The following PLCL1 variants were observed in gnomAD, a reference collection of about 807,000 sequenced individuals.
PLCL1 encodes inactive phospholipase C-like protein 1.
A neutral mutation model predicts 84.4 loss-of-function variants in PLCL1; 41 were observed. The ratio of observed to expected loss-of-function variants is 0.49; its 90% CI spans 0.38 to 0.63. The LOEUF (loss-of-function observed/expected upper bound fraction) is 0.63, where lower values mean the gene tolerates loss of function less well. PLCL1 is among the 30% of genes least tolerant of loss of function. PLCL1 has a pLI of 0.00. For synonymous variants in PLCL1, 490 were observed against 488.3 expected, an observed-to-expected ratio of 1.00 and a Z score of -0.05; for missense variants, 1,206 against 1,367.8, an observed-to-expected ratio of 0.88 and a Z score of 1.87.
At chr2:197,839,589 G>T (rs1686947798) in intron 1 of PLCL1, among the ~76,000 whole-genome samples, 1 of 152,158 alleles carries the variant, frequency 6.6e-6, no homozygotes, top group African/African-American at 2.4e-5. Flanking sequence ...TTTCTGATGG[G>T]CCACAGACTG....
chr2:197,947,237 A>AATATATATATATATATATATATATAT (rs55700681), intron 1 of PLCL1, among the ~76,000 whole-genome samples: 35 of 142,722 alleles, frequency 2.5e-4, no homozygotes, highest in African/African-American at 8.8e-4. Flanking sequence ...TGCTTAGATA[A>AATATATATATATATATATATATATAT]ATATATATAT....
intron 1 of PLCL1, among the ~76,000 whole-genome samples, chr2:197,945,145 A>G (rs1021582401): frequency 3.3e-5 from 5 of 152,336 alleles, no homozygotes; most frequent in East Asian, 1.9e-4. Context: ...TGACCTTGCT[A>G]TATAGACCAA....
rs139144539 is a variant in PLCL1 at position 197,825,124 on chromosome 2, G to A, written c.240+19785G>A. 4.6e-4 allele frequency among the ~76,000 whole-genome samples: 70 copies of A among 152,156 alleles called. 2 individuals are homozygous for A. The South Asian group carries it at 0.01, about 22-fold the overall frequency. Reference sequence around the variant, plus strand: ...GTAAGACACAAGTCAGTGGGTGGAGGAGGATATAATGAATATAACATTTTT... The same window carrying A: ...GTAAGACACAAGTCAGTGGGTGGAGAAGGATATAATGAATATAACATTTTT... On this transcript the variant is annotated intron_variant, in intron 1 of 5. Coordinates refer to ENST00000428675, the MANE Select transcript of PLCL1 (RefSeq NM_006226.4).
At chr2:197,996,792 A>C (rs1269021564) in intron 1 of PLCL1, among the ~76,000 whole-genome samples, 1 of 152,192 alleles carries the variant, frequency 6.6e-6, no homozygotes, top group Non-Finnish European at 1.5e-5. Flanking sequence ...TGCAGGCTGT[A>C]GTACATCCTG....
intron 1 of PLCL1, among the ~76,000 whole-genome samples, chr2:198,019,044 C>A (rs1405749115): frequency 6.6e-6 from 1 of 152,208 alleles, no homozygotes; most frequent in Non-Finnish European, 1.5e-5. Flanking sequence ...GAATACACAG[C>A]AATCTTTGCT....
At chr2:198,081,632 G>A (rs1692716642) in intron 1 of PLCL1, among the ~76,000 whole-genome samples, 1 of 152,138 alleles carries the variant, frequency 6.6e-6, no homozygotes, top group Non-Finnish European at 1.5e-5. Flanking sequence ...GCACCAACAG[G>A]CAATATTCTG....
At chr2:197,950,891 T>C (rs905330581) in intron 1 of PLCL1, among the ~76,000 whole-genome samples, 1 of 152,088 alleles carries the variant, frequency 6.6e-6, no homozygotes, top group Admixed American at 6.6e-5. Context: ...ACTGCTTAGG[T>C]TATCTGAGGC....
chr2:198,087,704 A>G (rs758381021), intron 2 of PLCL1, among the ~76,000 whole-genome samples: 2 of 152,186 alleles, frequency 1.3e-5, no homozygotes, highest in African/African-American at 2.4e-5. Flanking sequence ...TTGCAACTCA[A>G]TGGATAAATG....
intron 5 of PLCL1, among the ~76,000 whole-genome samples, chr2:198,112,695 A>T (rs1030617880): frequency 6.6e-6 from 1 of 151,878 alleles, no homozygotes; most frequent in Non-Finnish European, 1.5e-5. Flanking sequence ...TAAACGTTTA[A>T]AAATAATGTT....
chr2:197,840,398 GA>G (rs1686972170), intron 1 of PLCL1, among the ~76,000 whole-genome samples: 1 of 151,948 alleles, frequency 6.6e-6, no homozygotes, highest in South Asian at 2.1e-4. Flanking sequence ...GTCAGTTTTA[GA>G]AATCTGCCTA....
chr2:197,920,041 G>T (rs1315212736), intron 1 of PLCL1, among the ~76,000 whole-genome samples: 1 of 152,090 alleles, frequency 6.6e-6, no homozygotes, highest in Non-Finnish European at 1.5e-5. Context: ...TCATGAAAAT[G>T]AAATAAGATC....
chr2:197,962,800 T>C (rs1171951604), intron 1 of PLCL1, among the ~76,000 whole-genome samples: 1 of 152,024 alleles, frequency 6.6e-6, no homozygotes, highest in Non-Finnish European at 1.5e-5. Flanking sequence ...TTTGTTTTTA[T>C]TTTTAGCTTC....
chr2:198,122,737 A>G (rs1693896987), intron 5 of PLCL1, among the ~76,000 whole-genome samples: 1 of 152,136 alleles, frequency 6.6e-6, no homozygotes, highest in African/African-American at 2.4e-5. Flanking sequence ...ATTGGAACTG[A>G]ATTTGTTCCA....
chr2:197,931,759 T>C (rs113282470), intron 1 of PLCL1, among the ~76,000 whole-genome samples: 1,523 of 138,552 alleles, frequency 0.011, 29 homozygotes, highest in African/African-American at 0.036. Context: ...CAGAGGCCTT[T>C]ATTCCCAGTT....
intron 1 of PLCL1, among the ~76,000 whole-genome samples, chr2:197,842,473 C>T (rs1357593631): frequency 4.6e-5 from 7 of 152,054 alleles, no homozygotes; most frequent in Non-Finnish European, 8.8e-5. Context: ...ATTGCCATCC[C>T]CCATCAGCAC....
At chr2:197,843,661 C>T (rs1368977719) in intron 1 of PLCL1, among the ~76,000 whole-genome samples, 2 of 152,110 alleles carry the variant, frequency 1.3e-5, no homozygotes, top group African/African-American at 4.8e-5. Context: ...GAGGAAGTAT[C>T]CATCCCAGGC....
At chr2:198,139,898 G>A (rs531044492) in intron 5 of PLCL1, among the ~76,000 whole-genome samples, 2 of 151,964 alleles carry the variant, frequency 1.3e-5, no homozygotes, top group African/African-American at 4.8e-5. Flanking sequence ...GGTATAACAG[G>A]GACAATAAAT....
chr2:197,865,550 G>A (rs1687512851), intron 1 of PLCL1, among the ~76,000 whole-genome samples: 1 of 152,144 alleles, frequency 6.6e-6, no homozygotes, highest in African/African-American at 2.4e-5. Context: ...TGGAAGCTTA[G>A]ATCAGTGAAT....
chr2:198,092,021 G>C (rs922266460), intron 3 of PLCL1, among the ~76,000 whole-genome samples: 2 of 150,080 alleles, frequency 1.3e-5, no homozygotes, highest in East Asian at 2.0e-4. Flanking sequence ...TGCCTCTTTA[G>C]TTTTACCTGC....
Sources: allele counts gnomAD v4.1 joint callset (sites outside exome capture counted in the v4.1 genomes callset), GRCh38; gene constraint gnomAD v4.1.1; transcripts MANE v1.5; gene names NCBI Gene and HGNC (gene_info 2026-07-23, HGNC 2026-07-21).